MYO9B: variants seen among roughly 807,000 people sequenced by gnomAD.
MYO9B encodes the protein myosin IXB.
MYO9B carries 71 observed loss-of-function variants against 229.5 expected under a neutral mutation model. The observed-to-expected ratio is 0.31, with a 90% CI of 0.26 to 0.38. The LOEUF is 0.38. Among genes scored for constraint, MYO9B ranks in the 10% least tolerant of loss-of-function variants. MYO9B has a pLI of 1.00. For synonymous variants in MYO9B, 1,185 were observed against 1,235.8 expected, an observed-to-expected ratio of 0.96 and a Z score of 0.86; for missense variants, 2,255 against 2,920.5, an observed-to-expected ratio of 0.77 and a Z score of 5.25.
At chr19:17,174,905 GC>G (rs2072767193) in intron 13 of MYO9B, among the ~76,000 whole-genome samples, 1 of 151,212 alleles carries the variant, frequency 6.6e-6, no homozygotes, top group Admixed American at 6.6e-5. Flanking sequence ...CTGCACTCCA[GC>G]CCAGGCGACA....
At chr19:17,138,080 G>C (rs962845941) in intron 2 of MYO9B, among the ~76,000 whole-genome samples, 10 of 152,164 alleles carry the variant, frequency 6.6e-5, no homozygotes, top group African/African-American at 2.2e-4. Context: ...GCCCTGGTGT[G>C]TGATGTTCCC....
At chr19:17,161,983 G>A (rs1461173590) in intron 8 of MYO9B, among the ~76,000 whole-genome samples, 8 of 121,486 alleles carry the variant, frequency 6.6e-5, no homozygotes, top group Non-Finnish European at 1.1e-4. Context: ...GTGAGACCCT[G>A]TGTCAAAAAA....
chr19:17,171,893 C>A (rs1484555627), intron 11 of MYO9B, among the ~76,000 whole-genome samples: 1 of 152,174 alleles, frequency 6.6e-6, no homozygotes, highest in Non-Finnish European at 1.5e-5. Flanking sequence ...GTGATCGTAC[C>A]ACTACACTAT....
At chr19:17,108,770 G>A (rs1368444834) in intron 2 of MYO9B, among the ~76,000 whole-genome samples, 1 of 152,156 alleles carries the variant, frequency 6.6e-6, no homozygotes, top group Non-Finnish European at 1.5e-5. Flanking sequence ...AGGCTGGAGT[G>A]CAGTGGCACG....
chr19:17,136,597 A>G (rs2072272437), intron 2 of MYO9B, among the ~76,000 whole-genome samples: 1 of 151,468 alleles, frequency 6.6e-6, no homozygotes, highest in Non-Finnish European at 1.5e-5. Flanking sequence ...GTTATCCCAG[A>G]TGGCATCGGG....
chr19:17,210,009 C>T (rs1369406793), intron 36 of MYO9B, among the ~76,000 whole-genome samples: 2 of 152,184 alleles, frequency 1.3e-5, no homozygotes, highest in African/African-American at 4.8e-5. Context: ...CTGCCTTGAA[C>T]GAAAGACGAT....
chr19:17,124,555 T>C (rs1408839414), intron 2 of MYO9B, among the ~76,000 whole-genome samples: 2 of 151,996 alleles, frequency 1.3e-5, no homozygotes, highest in Admixed American at 1.3e-4. Context: ...GCAGATCACC[T>C]GAGGTCAGGA....
chr19:17,168,564 G>A (rs984482698), intron 11 of MYO9B, among the ~76,000 whole-genome samples: 1 of 152,214 alleles, frequency 6.6e-6, no homozygotes, highest in Non-Finnish European at 1.5e-5. Flanking sequence ...ACATCAACAC[G>A]TGTGATTAAT....
At position 17,125,309 on chromosome 19, in the gene MYO9B, C is replaced by CCA. The variant is rs879861138; in HGVS notation, c.841-20088_841-20087insCA. Among the ~76,000 whole-genome samples the CCA allele has an allele frequency of 1.3e-3, 153 of 120,916 alleles. 3 individuals carry two copies. The highest frequency in any genetic ancestry group is 4.2e-3 in the Middle Eastern group (1 of 240). The allele number at this position is 120,916 out of a possible 152,430, so 79.3% of individuals were successfully genotyped here. On this transcript the variant is annotated intron_variant, in intron 2 of 39. Transcript: ENST00000682292. ...GAGTAAAACCCCATCCCCCCCCCCC[C>CCA]AAAAAAAGGGTAAGATGAGCCCTAG...
chr19:17,184,459 A>G, intron 16 of MYO9B: 1 of 183,690 alleles, frequency 5.4e-6, no homozygotes, highest in South Asian at 1.3e-4. Context: ...CTGACACATG[A>G]TGGTGGCCTG....
chr19:17,094,595 C>G (rs2057670801), intron 1 of MYO9B, among the ~76,000 whole-genome samples: 1 of 152,150 alleles, frequency 6.6e-6, no homozygotes, highest in Non-Finnish European at 1.5e-5. Context: ...AGTATAGGCT[C>G]TTTTTAAAAC....
chr19:17,197,754 C>T, intron 22 of MYO9B, 38 bp from the exon 23 acceptor site: 2 of 1,606,812 alleles, frequency 1.2e-6, no homozygotes, highest in Non-Finnish European at 1.7e-6. Context: ...CACTGACTCA[C>T]TCTAGTCAGT....
At position 17,206,252 on chromosome 19, in the gene MYO9B, C is replaced by T. The variant is rs1568302807; in HGVS notation, c.5262C>T (p.Pro1754=). 1.0e-5 allele frequency: 16 copies of T among 1,574,426 alleles called. No individual in the cohort carries two copies. The highest frequency in any genetic ancestry group is 1.7e-4 in the Middle Eastern group (1 of 5,804). The change falls in exon 33 of 40, where the codon CCC becomes CCT. Residue 1754 remains proline, a synonymous_variant. Transcript: ENST00000682292. Reference sequence around the variant, plus strand: ...CCCACCCCACCCACCCCACAGACCCCGCAGCAGTCAAGCTGGAGAACTTCC... The same window carrying T: ...CCCACCCCACCCACCCCACAGACCCTGCAGCAGTCAAGCTGGAGAACTTCC... ...RELRQALQTD[P]AAVKLENFPI...
At position 17,176,277 on chromosome 19, in the gene MYO9B, C is replaced by T. The variant is rs192384614; in HGVS notation, c.2219+536C>T. 5.3e-5 allele frequency among the ~76,000 whole-genome samples: 8 copies of T among 151,818 alleles called. No homozygotes were observed. In the East Asian group the frequency reaches 1.4e-3, roughly 26 times the overall value. Reference sequence around the variant, plus strand: ...GGTCTTGATCTCCTGACCTCGTGATCCACCCGCCTCAGCCTCCCAAAGTGC... The same window carrying T: ...GGTCTTGATCTCCTGACCTCGTGATTCACCCGCCTCAGCCTCCCAAAGTGC... On this transcript the variant is annotated intron_variant, in intron 14 of 39. Transcript: ENST00000682292.
chr19:17,175,533 C>T (rs780913850), intron 13 of MYO9B, 130 bp from the exon 14 acceptor site: 6 of 608,848 alleles, frequency 9.9e-6, no homozygotes, highest in South Asian at 5.2e-5. Flanking sequence ...GGGCCGAGAT[C>T]GCGCCACTGT....
chr19:17,110,355 AC>A (rs1352769062), intron 2 of MYO9B, among the ~76,000 whole-genome samples: 1 of 152,108 alleles, frequency 6.6e-6, no homozygotes, highest in Non-Finnish European at 1.5e-5. Flanking sequence ...CCCATCTTCC[AC>A]ATGGCCTCTA....
At chr19:17,198,025 G>C in intron 23 of MYO9B, 159 bp from the exon 24 acceptor site, 3 of 1,325,448 alleles carry the variant, frequency 2.3e-6, no homozygotes, top group Non-Finnish European at 3.1e-6. Context: ...CCAGGCCACT[G>C]CACTCCAGCC....
At chr19:17,126,902 TCCACCCCCACCCCCACCC>T (rs1174306086) in intron 2 of MYO9B, among the ~76,000 whole-genome samples, 9 of 103,046 alleles carry the variant, frequency 8.7e-5, no homozygotes, top group African/African-American at 2.6e-4. Flanking sequence ...GACCTTGTGA[TCCACCCCCACCCCCACCC>T]CCACCCCCCA....
At chr19:17,188,813 G>C (rs1332615789) in intron 19 of MYO9B, among the ~76,000 whole-genome samples, 1 of 151,882 alleles carries the variant, frequency 6.6e-6, no homozygotes, top group Non-Finnish European at 1.5e-5. Context: ...AGGAGTTTGA[G>C]ACCAGCCTGG....
Sources: gnomAD v4.1 joint callset for allele counts (sites outside exome capture counted in the v4.1 genomes callset) on GRCh38, gnomAD v4.1.1 for gene constraint, MANE v1.5 for transcripts, NCBI Gene and HGNC (gene_info 2026-07-23, HGNC 2026-07-21) for gene names.